MKLN1: variants seen among roughly 807,000 people sequenced by gnomAD.
MKLN1 encodes muskelin.
Under a neutral mutation model 99.0 loss-of-function variants are expected in MKLN1, and 18 were observed. That is an observed-to-expected ratio of 0.18 (90% CI 0.13 to 0.27). MKLN1 has a LOEUF of 0.27. Among genes scored for constraint, MKLN1 ranks in the 10% least tolerant of loss-of-function variants. The pLI is 1.00. For synonymous variants in MKLN1, 288 were observed against 293.2 expected, an observed-to-expected ratio of 0.98 and a Z score of 0.18; for missense variants, 621 against 875.9, an observed-to-expected ratio of 0.71 and a Z score of 3.67.
At position 131,489,366 on chromosome 7, in the gene MKLN1, G is replaced by A. The variant is rs1797367292; in HGVS notation, c.*1638G>A. 6.6e-6 allele frequency: 1 copy of A among 152,072 alleles called. No homozygotes were observed. 9.4% of individuals were successfully genotyped at this position (152,072 alleles called of 1,614,324 possible). On this transcript the variant is annotated 3_prime_UTR_variant, in exon 18 of 18. Transcript: ENST00000352689. The stretch of plus-strand genomic sequence containing the variant: ...TGATCTGTACCTTTACTTGTGAAAG[G>A]TATGCTATATAATTCAGCAAGTACC...
chr7:131,336,382 G>A (rs1799251837), intron 1 of MKLN1, among the ~76,000 whole-genome samples: 1 of 151,864 alleles, frequency 6.6e-6, no homozygotes, highest in South Asian at 2.1e-4. Context: ...TTGTTTGCCT[G>A]TTTTTAATTA....
At chr7:131,124,642 A>G (rs1172293788) in intron 1 of MKLN1, among the ~76,000 whole-genome samples, 3 of 152,002 alleles carry the variant, frequency 2.0e-5, no homozygotes. Flanking sequence ...CCCTCTGCCC[A>G]ATATGGGTTT....
At chr7:131,373,478 T>C (rs141888320) in intron 1 of MKLN1, among the ~76,000 whole-genome samples, 105 of 152,250 alleles carry the variant, frequency 6.9e-4, no homozygotes, top group African/African-American at 2.4e-3. Context: ...GGAACATGTG[T>C]GTAAAGGCAG....
At position 131,394,152 on chromosome 7, in the gene MKLN1, TA is replaced by T. The variant is rs965614076; in HGVS notation, c.401-3106del. On this transcript the variant is annotated intron_variant, in intron 4 of 17. Coordinates refer to ENST00000352689, the MANE Select transcript of MKLN1 (RefSeq NM_013255.5). ...ATAAAGATAATTTAATATTTGTTGT[TA>T]AAAAAAAACTTTTTGAAATGTGTGT... Among the ~76,000 whole-genome samples the T allele has an allele frequency of 2.5e-3, 386 of 151,540 alleles. 2 individuals are homozygous for T. The highest frequency in any genetic ancestry group is 0.024 in the East Asian group (122 of 5,182).
chr7:131,357,086 A>G (rs1799906943), intron 1 of MKLN1, among the ~76,000 whole-genome samples: 1 of 152,212 alleles, frequency 6.6e-6, no homozygotes, highest in African/African-American at 2.4e-5. Context: ...CTTAGAATTA[A>G]TGAACCAATA....
chr7:131,312,709 T>C (rs1057453661), intron 3 of MKLN1, among the ~76,000 whole-genome samples: 1 of 152,242 alleles, frequency 6.6e-6, no homozygotes, highest in Non-Finnish European at 1.5e-5. Context: ...ACATCTTCTT[T>C]ATATGCTCTC....
intron 2 of MKLN1, among the ~76,000 whole-genome samples, chr7:131,170,592 C>T (rs551195165): frequency 1.3e-5 from 2 of 152,288 alleles, no homozygotes; most frequent in African/African-American, 4.8e-5. Context: ...CTAGTTGGTG[C>T]TTCCCTCACA....
Position 131,115,898 on chromosome 7 carries a change from A to AT in MKLN1, c.-419+5698dup, listed in dbSNP as rs568739344. On this transcript the variant is annotated intron_variant, in intron 1 of 7. Coordinates refer to the MKLN1 transcript ENST00000416992. ...CCACGTTTCCAACCATCCTAGATAT[A>AT]TTTTTTTCATAGTAATGGAACTTTA... Among the ~76,000 whole-genome samples, 172 of 152,082 alleles carry AT rather than the reference A, an allele frequency of 1.1e-3. 4 individuals carry two copies. In the East Asian group the frequency reaches 0.02, roughly 17 times the overall value.
intron 2 of MKLN1, among the ~76,000 whole-genome samples, chr7:131,179,741 A>AT (rs1796352512): frequency 1.3e-5 from 2 of 151,606 alleles, no homozygotes; most frequent in Admixed American, 6.6e-5. Context: ...TGCCCAGCTA[A>AT]TTTTTTGTAT....
intron 3 of MKLN1, among the ~76,000 whole-genome samples, chr7:131,300,772 G>C (rs997257761): frequency 2.6e-5 from 4 of 151,882 alleles, no homozygotes; most frequent in Admixed American, 2.6e-4. Flanking sequence ...CCTGTTGCTG[G>C]TTCTCTCTTT....
chr7:131,243,117 T>C lies in MKLN1; in HGVS notation c.-179+40143T>C, dbSNP rs1188408186. On this transcript the variant is annotated intron_variant, in intron 3 of 7. Transcript: ENST00000416992. ...TAGTGAAGTACATTTGAGACAATAGTCATCAAATTACATATAAATACGTAA... is the reference window on the plus strand; with the variant it reads ...TAGTGAAGTACATTTGAGACAATAGCCATCAAATTACATATAAATACGTAA... 8.6e-6 allele frequency: 3 copies of C among 348,798 alleles called. No homozygotes were observed. In the East Asian group the frequency reaches 1.8e-4, roughly 21 times the overall value. 21.6% of individuals were successfully genotyped at this position (348,798 alleles called of 1,614,324 possible).
chr7:131,411,158 G>C, intron 6 of MKLN1, 148 bp from the exon 7 acceptor site: 2 of 542,858 alleles, frequency 3.7e-6, no homozygotes, highest in Non-Finnish European at 3.3e-6. Context: ...TGAAATTGAA[G>C]TGATGCATAT....
intron 3 of MKLN1, among the ~76,000 whole-genome samples, chr7:131,291,354 C>T (rs546298098): frequency 2.8e-4 from 42 of 151,328 alleles, no homozygotes; most frequent in Non-Finnish European, 5.5e-4. Context: ...TGGTCTCGAA[C>T]TCCTGACCTC....
At chr7:131,276,900 A>G (rs966921512) in intron 3 of MKLN1, among the ~76,000 whole-genome samples, 2 of 152,202 alleles carry the variant, frequency 1.3e-5, no homozygotes, top group African/African-American at 4.8e-5. Flanking sequence ...GTTGCTGATC[A>G]GTAGGTACAA....
intron 2 of MKLN1, among the ~76,000 whole-genome samples, chr7:131,202,670 C>A (rs1796748613): frequency 6.6e-6 from 1 of 152,168 alleles, no homozygotes; most frequent in Non-Finnish European, 1.5e-5. Context: ...CAGTTTTGAT[C>A]ATCACAAACG....
intron 2 of MKLN1, chr7:131,143,066 T>A: frequency 1.9e-6 from 1 of 530,818 alleles, no homozygotes; most frequent in Non-Finnish European, 3.2e-6. Flanking sequence ...GAGTCCTCAC[T>A]AGTCTAGTTG....
At chr7:131,432,761 T>C (rs536186148) in intron 9 of MKLN1, among the ~76,000 whole-genome samples, 2 of 152,150 alleles carry the variant, frequency 1.3e-5, no homozygotes, top group Non-Finnish European at 2.9e-5. Flanking sequence ...GTGGCATTTT[T>C]GTATAGTTTT....
chr7:131,442,673 G>C (rs1656026436), intron 10 of MKLN1, among the ~76,000 whole-genome samples: 2 of 152,182 alleles, frequency 1.3e-5, no homozygotes, highest in African/African-American at 2.4e-5. Context: ...TAGATGTTTT[G>C]TGTACACAAT....
chr7:131,134,180 T>C (rs1438890736), intron 1 of MKLN1, among the ~76,000 whole-genome samples: 2 of 152,178 alleles, frequency 1.3e-5, no homozygotes, highest in African/African-American at 4.8e-5. Context: ...TTCTAATTAC[T>C]AAGCCTTATC....
Sources: allele counts gnomAD v4.1 joint callset (sites outside exome capture counted in the v4.1 genomes callset), GRCh38; gene constraint gnomAD v4.1.1; transcripts MANE v1.5; gene names NCBI Gene and HGNC (gene_info 2026-07-23, HGNC 2026-07-21).